Variants in NUP107 observed in about 807,000 individuals in gnomAD.
The protein encoded by NUP107 is nuclear pore complex protein Nup107.
A neutral mutation model predicts 141.0 loss-of-function variants in NUP107; 101 were observed. The ratio of observed to expected loss-of-function variants is 0.72; its 90% CI spans 0.61 to 0.84. NUP107 has a LOEUF of 0.84. Among genes scored for constraint, NUP107 ranks in the 40% least tolerant of loss-of-function variants. The pLI is 0.00. For synonymous variants in NUP107, 319 were observed against 363.9 expected (o/e 0.88, Z 1.41); for missense variants, 941 against 1,102.7 (o/e 0.85, Z 2.08).
At chr12:68,726,662 T>C in intron 19 of NUP107, 45 bp downstream of exon 19, 1 of 1,126,540 alleles carries the variant, frequency 8.9e-7, no homozygotes, top group Non-Finnish European at 1.3e-6. Flanking sequence ...ATGTTGATGC[T>C]ATATACCTAT....
chr12:68,710,962 A>G (rs1876824928), intron 10 of NUP107, among the ~76,000 whole-genome samples: 1 of 151,964 alleles, frequency 6.6e-6, no homozygotes, highest in Non-Finnish European at 1.5e-5. Flanking sequence ...TTTGGGGAAA[A>G]AAATGAATTA....
At position 68,688,978 on chromosome 12, in the gene NUP107, A is replaced by T. The variant is rs757441011; in HGVS notation, c.25A>T (p.Ile9Leu). 9.9e-6 allele frequency: 16 copies of T among 1,613,314 alleles called. No homozygotes were observed. The South Asian group carries it at 1.6e-4, about 17-fold the overall frequency. The change falls in exon 2 of 28, where the codon ATA becomes TTA. Residue 9 changes from isoleucine to leucine, a missense_variant. By Grantham distance (5) the Ile-to-Leu change is conservative (BLOSUM62 2). Coordinates refer to ENST00000229179, the MANE Select transcript of NUP107 (RefSeq NM_020401.4). Reference protein sequence around the residue: MDRSGFGEISSPVIREAEV... With the variant: MDRSGFGELSSPVIREAEV... The stretch of plus-strand genomic sequence containing the variant: ...CTACTTTAGGAGTGGCTTTGGAGAG[A>T]TATCATCCCCTGTAATCCGGGAGGC...
chr12:68,731,404 G>A, intron 21 of NUP107, 144 bp downstream of exon 21: 1 of 869,136 alleles, frequency 1.2e-6, no homozygotes, highest in Non-Finnish European at 1.6e-6. Context: ...TTCTGTTTTA[G>A]GACTAAAGTT....
chr12:68,742,301 C>A, intron 27 of NUP107, 54 bp from the exon 28 acceptor site: 1 of 1,160,704 alleles, frequency 8.6e-7, no homozygotes. Context: ...TAACTAAGTT[C>A]ATACTTGTCT....
In NUP107 at chr12:68,733,600, C is replaced by T. The variant is rs750546452; in HGVS notation, c.2250C>T (p.Ile750=). 6.2e-7 allele frequency: 1 copy of T among 1,610,658 alleles called. No individual in the cohort carries two copies. The change falls in exon 24 of 28, where the codon ATC becomes ATT. Residue 750 remains isoleucine, a synonymous_variant. Transcript: ENST00000229179. ...ATGCTATCCGAGAACATTTGTGCAT[C>T]AGAGCTTATTTGGTGAGACTGTAAA... The part of the protein sequence containing the change: ...DDNAIREHLC[I]RAYLEAHETF...
rs772983287 is a variant in NUP107 at position 68,731,604 on chromosome 12, TA to T, written c.1886-2del. 1 of 1,521,884 alleles carries T rather than the reference TA, an allele frequency of 6.6e-7. No individual in the cohort carries two copies. The allele number at this position is 1,521,884 out of a possible 1,614,324, so 94.3% of individuals were successfully genotyped here. A position where few individuals can be genotyped will look rare whatever the true frequency, so the allele number is the denominator to read the frequency against. On this transcript the variant is annotated splice_acceptor_variant, in intron 21 of 27. Coordinates refer to ENST00000229179, the MANE Select transcript of NUP107 (RefSeq NM_020401.4). LOFTEE classifies it high-confidence loss of function. ...TTTTTTGTCGCTTCAAAAAATTATT[TA>T]GATTTGGATGTTGCAACAATAACAA...
intron 10 of NUP107, among the ~76,000 whole-genome samples, chr12:68,713,201 C>T (rs1876944620): frequency 6.6e-6 from 1 of 151,510 alleles, no homozygotes; most frequent in African/African-American, 2.4e-5. Context: ...AGTGAGACCC[C>T]CATCTCTACA....
intron 20 of NUP107, among the ~76,000 whole-genome samples, chr12:68,729,470 T>C (rs561159309): frequency 6.6e-6 from 1 of 151,998 alleles, no homozygotes; most frequent in Admixed American, 6.6e-5. Context: ...GGAGTCTCAC[T>C]TTGATGCCCG....
intron 8 of NUP107, chr12:68,706,215 T>A (rs936107693): frequency 1.3e-6 from 1 of 767,308 alleles, no homozygotes; most frequent in African/African-American, 1.7e-5. Context: ...AATGAATTTG[T>A]CCTCATCAAG....
chr12:68,688,832 C>G, intron 1 of NUP107, 130 bp from the exon 2 acceptor site: 1 of 546,876 alleles, frequency 1.8e-6, no homozygotes, highest in Non-Finnish European at 3.2e-6. Flanking sequence ...AACAAAAGAT[C>G]TAAGACTTGG....
At position 68,686,982 on chromosome 12, in the gene NUP107, G is replaced by C; in HGVS notation, c.-84G>C. On this transcript the variant is annotated 5_prime_UTR_variant, in exon 1 of 28. Transcript: ENST00000229179. The stretch of plus-strand genomic sequence containing the variant: ...GGGACAGACTGCTTCCGGGTCGAAG[G>C]GCTTGCTTCCGGAGAGCGGGAAGGC... The C allele has an allele frequency of 6.4e-7, 1 of 1,558,778 alleles. No individual in the cohort carries two copies. Among genetic ancestry groups the C allele is most frequent in the Non-Finnish European group, 8.9e-7 (1 of 1,129,922 alleles).
chr12:68,727,926 C>G (rs1316573414), intron 20 of NUP107, among the ~76,000 whole-genome samples: 2 of 152,022 alleles, frequency 1.3e-5, no homozygotes, highest in South Asian at 2.1e-4. Flanking sequence ...CCGTGTTGTT[C>G]AAAGCTCAAC....
At position 68,732,687 on chromosome 12, in the gene NUP107, G is replaced by A. The variant is rs149594646; in HGVS notation, c.2049G>A (p.Ala683=). The A allele has an allele frequency of 1.6e-4, 255 of 1,609,516 alleles. No homozygotes were observed. Among genetic ancestry groups the A allele is most frequent in the Admixed American group, 3.7e-4 (22 of 59,936 alleles). Residue 683 remains alanine, a synonymous_variant, in exon 23 of 28, where the codon GCG becomes GCA. Coordinates refer to ENST00000229179, the MANE Select transcript of NUP107 (RefSeq NM_020401.4). ...DVIDWLVFDP[A]QRAEALKQGN... ...TTGACTGGTTGGTATTTGACCCAGCGCAGAGGGCAGAAGCACTGAAACAAG... is the reference window on the plus strand; with the variant it reads ...TTGACTGGTTGGTATTTGACCCAGCACAGAGGGCAGAAGCACTGAAACAAG...
chr12:68,702,684 C>G (rs1876388900), intron 7 of NUP107, 52 bp from the exon 8 acceptor site: 9 of 1,290,174 alleles, frequency 7.0e-6, no homozygotes, highest in Non-Finnish European at 9.7e-6. Context: ...GTGGCAAGTT[C>G]ATTATATTCG....
intron 26 of NUP107, among the ~76,000 whole-genome samples, chr12:68,739,113 C>A (rs184345101): frequency 6.6e-6 from 1 of 152,216 alleles, no homozygotes; most frequent in Admixed American, 6.5e-5. Context: ...GTACTTCTTT[C>A]AGCAGCTGCT....
At chr12:68,722,247 C>A in intron 17 of NUP107, 95 bp downstream of exon 17, 4 of 926,868 alleles carry the variant, frequency 4.3e-6, no homozygotes, top group Non-Finnish European at 4.8e-6. Context: ...GGAACTTTCT[C>A]CCTTTTTCTC....
chr12:68,705,023 C>T (rs571315210), intron 8 of NUP107, among the ~76,000 whole-genome samples: 1 of 152,088 alleles, frequency 6.6e-6, no homozygotes, highest in Admixed American at 6.5e-5. Flanking sequence ...GCGAGGACTA[C>T]AGGTGTGTAC....
At chr12:68,710,795 G>A (rs1450029312) in intron 10 of NUP107, among the ~76,000 whole-genome samples, 5 of 151,854 alleles carry the variant, frequency 3.3e-5, no homozygotes, top group South Asian at 2.1e-4. Context: ...CTAAGTAATC[G>A]AGATGATATA....
In NUP107 at chr12:68,696,301, G is replaced by A. The variant is rs140177751; in HGVS notation, c.449-518G>A. On this transcript the variant is annotated intron_variant, in intron 5 of 27. Transcript: ENST00000229179. The stretch of plus-strand genomic sequence containing the variant: ...CACCGCTTGAACCTGGGAGGTGGAG[G>A]TTGCAGTGAGCTGAGATTGCGCCAC... Among the ~76,000 whole-genome samples, 1,238 of 152,082 alleles carry A rather than the reference G, an allele frequency of 8.1e-3. 11 individuals are homozygous for A. The highest frequency in any genetic ancestry group is 0.028 in the African/African-American group (1,155 of 41,474).
Sources: allele counts gnomAD v4.1 joint callset (sites outside exome capture counted in the v4.1 genomes callset), GRCh38; gene constraint gnomAD v4.1.1; transcripts MANE v1.5; gene names NCBI Gene and HGNC (gene_info 2026-07-23, HGNC 2026-07-21).